DNER: variants seen among roughly 807,000 people sequenced by gnomAD.
DNER encodes delta/notch like EGF repeat containing, also known as delta and Notch-like epidermal growth factor-related receptor.
Under a neutral mutation model 78.2 loss-of-function variants are expected in DNER, and 33 were observed. That is an observed-to-expected ratio of 0.42 (90% CI 0.32 to 0.56). The LOEUF (loss-of-function observed/expected upper bound fraction) is 0.56, where lower values mean the gene tolerates loss of function less well. Among genes scored for constraint, DNER ranks in the 20% least tolerant of loss-of-function variants. The pLI, the probability that DNER is intolerant of heterozygous loss-of-function variation, is 0.11. For synonymous variants in DNER, 417 were observed against 384.8 expected (o/e 1.08, Z -0.98); for missense variants, 918 against 975.3 (o/e 0.94, Z 0.78).
At chr2:229,581,266 G>A (rs1317399818) in intron 4 of DNER, among the ~76,000 whole-genome samples, 1 of 152,104 alleles carries the variant, frequency 6.6e-6, no homozygotes. Flanking sequence ...CCATACTTAA[G>A]ACAGGCAAGC....
intron 1 of DNER, among the ~76,000 whole-genome samples, chr2:229,673,444 C>T (rs1007663119): frequency 2.6e-5 from 4 of 152,162 alleles, no homozygotes; most frequent in Admixed American, 6.5e-5. Context: ...AAGGTGTCTT[C>T]GGAGGTTTCT....
At chr2:229,572,086 T>C (rs1697228192) in intron 4 of DNER, among the ~76,000 whole-genome samples, 1 of 152,184 alleles carries the variant, frequency 6.6e-6, no homozygotes, top group African/African-American at 2.4e-5. Flanking sequence ...TCCATAACTT[T>C]CCACTACCCT....
At chr2:229,419,374 T>G (rs2106349706) in intron 8 of DNER, among the ~76,000 whole-genome samples, 1 of 152,280 alleles carries the variant, frequency 6.6e-6, no homozygotes, top group South Asian at 2.1e-4. Context: ...ATGTGAGTGT[T>G]TTCAAAAGTC....
chr2:229,462,479 C>T (rs1694723688), intron 7 of DNER, among the ~76,000 whole-genome samples: 1 of 152,026 alleles, frequency 6.6e-6, no homozygotes, highest in South Asian at 2.1e-4. Context: ...TTCTCTGAAC[C>T]CCCATATCCA....
intron 8 of DNER, among the ~76,000 whole-genome samples, chr2:229,425,969 G>A (rs1387092360): frequency 1.3e-5 from 2 of 149,908 alleles, no homozygotes; most frequent in African/African-American, 4.8e-5. Context: ...TTACTTTATA[G>A]TCAGGCTGAA....
At chr2:229,477,948 A>C (rs1232013115) in intron 6 of DNER, among the ~76,000 whole-genome samples, 2 of 152,236 alleles carry the variant, frequency 1.3e-5, no homozygotes, top group Non-Finnish European at 2.9e-5. Flanking sequence ...AATCGATTGG[A>C]ACACCTGTGC....
At chr2:229,403,514 T>C (rs1693313804) in intron 10 of DNER, among the ~76,000 whole-genome samples, 1 of 152,208 alleles carries the variant, frequency 6.6e-6, no homozygotes. Context: ...ACCAGTTTTC[T>C]GTTAAACGCA....
At chr2:229,487,054 G>A (rs529899168) in intron 6 of DNER, among the ~76,000 whole-genome samples, 91 of 152,204 alleles carry the variant, frequency 6.0e-4, no homozygotes, top group Non-Finnish European at 1.1e-3. Flanking sequence ...CACATATAAC[G>A]CAAATTACAG....
At chr2:229,507,013 C>A (rs1048064818) in intron 6 of DNER, among the ~76,000 whole-genome samples, 1 of 152,144 alleles carries the variant, frequency 6.6e-6, no homozygotes, top group Non-Finnish European at 1.5e-5. Context: ...TACAGGATAG[C>A]CTATTGCTCC....
At chr2:229,511,124 C>G (rs1054802998) in intron 6 of DNER, among the ~76,000 whole-genome samples, 1 of 152,118 alleles carries the variant, frequency 6.6e-6, no homozygotes, top group Non-Finnish European at 1.5e-5. Flanking sequence ...TGCTGACTGT[C>G]TTGTTTCTTA....
At chr2:229,686,435 T>A (rs1043874872) in intron 1 of DNER, among the ~76,000 whole-genome samples, 2 of 152,146 alleles carry the variant, frequency 1.3e-5, no homozygotes, top group African/African-American at 2.4e-5. Flanking sequence ...AAGACACAGC[T>A]CTGGCCAACC....
chr2:229,452,816 C>T (rs1458651241), intron 7 of DNER, among the ~76,000 whole-genome samples: 4 of 151,790 alleles, frequency 2.6e-5, no homozygotes, highest in South Asian at 2.1e-4. Context: ...TTAGTAGAGA[C>T]GGGGTTTCAC....
chr2:229,425,772 G>A (rs140890791), intron 8 of DNER, among the ~76,000 whole-genome samples: 3 of 152,166 alleles, frequency 2.0e-5, no homozygotes, highest in South Asian at 2.1e-4. Context: ...AATTCCCAGC[G>A]ACTCATCTGT....
At chr2:229,544,052 C>T (rs1282254998) in intron 5 of DNER, among the ~76,000 whole-genome samples, 2 of 146,178 alleles carry the variant, frequency 1.4e-5, no homozygotes, top group Non-Finnish European at 2.9e-5. Flanking sequence ...ATACTTAATT[C>T]TAAAAATTGA....
chr2:229,693,432 A>G (rs1699614214), intron 1 of DNER, among the ~76,000 whole-genome samples: 1 of 152,102 alleles, frequency 6.6e-6, no homozygotes, highest in Non-Finnish European at 1.5e-5. Context: ...TGCTGTAAAG[A>G]TACCCAAAAA....
chr2:229,564,204 T>C (rs1476129578), intron 4 of DNER, among the ~76,000 whole-genome samples: 86 of 71,772 alleles, frequency 1.2e-3, no homozygotes, highest in Admixed American at 2.2e-3. Context: ...ACCCCACCAC[T>C]ATCATCATCA....
chr2:229,664,297 G>C (rs1699054987), intron 1 of DNER, among the ~76,000 whole-genome samples: 1 of 151,858 alleles, frequency 6.6e-6, no homozygotes, highest in Non-Finnish European at 1.5e-5. Context: ...TGTACTTTGG[G>C]CCATTTTGCA....
In DNER at chr2:229,585,981, C is replaced by T; in HGVS notation, c.724G>A (p.Val242Ile). 1 of 1,613,934 alleles carries T rather than the reference C, an allele frequency of 6.2e-7. No homozygotes were observed. Among genetic ancestry groups the T allele is most frequent in the African/African-American group, 1.3e-5 (1 of 75,048 alleles). Residue 242 changes from valine to isoleucine, a missense_variant, in exon 4 of 13, where the codon GTC (valine) becomes ATC (isoleucine). By Grantham distance (29) the Val-to-Ile change is conservative. Coordinates refer to ENST00000341772, the MANE Select transcript of DNER (RefSeq NM_139072.4). ...CACTGTTGGAATCCTGTGGCCGTGACCTTCCAGAGCAAAATCAGTGAGGCA... is the reference window on the plus strand; with the variant it reads ...CACTGTTGGAATCCTGTGGCCGTGATCTTCCAGAGCAAAATCAGTGAGGCA... ...ATASLILLWK[V>I]TATGFQQCSL...
At chr2:229,643,344 T>C (rs1698661071) in intron 1 of DNER, among the ~76,000 whole-genome samples, 3 of 152,214 alleles carry the variant, frequency 2.0e-5, no homozygotes, top group African/African-American at 4.8e-5. Flanking sequence ...ATGACACCTA[T>C]CTTAAGCTGT....
Sources: allele counts gnomAD v4.1 joint callset (sites outside exome capture counted in the v4.1 genomes callset), GRCh38; gene constraint gnomAD v4.1.1; transcripts MANE v1.5; gene names NCBI Gene and HGNC (gene_info 2026-07-23, HGNC 2026-07-21).